The following TSPEAR variants were observed in gnomAD, a reference collection of about 807,000 sequenced individuals.
TSPEAR encodes the protein thrombospondin-type laminin G domain and EAR repeat-containing protein.
Under a neutral mutation model 71.6 loss-of-function variants are expected in TSPEAR, and 69 were observed. The ratio of observed to expected loss-of-function variants is 0.96; its 90% CI spans 0.79 to 1.18. The LOEUF is 1.18. TSPEAR is among the 50% of genes most tolerant of loss of function. The pLI, the probability that TSPEAR is intolerant of heterozygous loss-of-function variation, is 0.00. For missense variants in TSPEAR, 971 were observed against 894.9 expected, an observed-to-expected ratio of 1.09 and a Z score of -1.09; for synonymous variants, 402 against 387.2, an observed-to-expected ratio of 1.04 and a Z score of -0.45.
chr21:44,551,934 T>C (rs2053448535), intron 2 of TSPEAR, among the ~76,000 whole-genome samples: 5 of 152,078 alleles, frequency 3.3e-5, no homozygotes, highest in African/African-American at 1.2e-4. Context: ...GTGCCTGTGT[T>C]GGGAAAAGAC....
intron 1 of TSPEAR, among the ~76,000 whole-genome samples, chr21:44,570,038 C>T (rs1349609939): frequency 6.6e-6 from 1 of 152,166 alleles, no homozygotes; most frequent in African/African-American, 2.4e-5. Context: ...GACACTGCTG[C>T]ACAGCACTGC....
chr21:44,601,650 C>T (rs1980929102), intron 1 of TSPEAR: 2 of 1,612,550 alleles, frequency 1.2e-6, no homozygotes, highest in Non-Finnish European at 8.5e-7. Context: ...GCCGCCCAGC[C>T]TCCTGTGTGT....
At chr21:44,659,504 AC>A (rs1320880205) in intron 1 of TSPEAR, among the ~76,000 whole-genome samples, 1 of 152,188 alleles carries the variant, frequency 6.6e-6, no homozygotes, top group African/African-American at 2.4e-5. Flanking sequence ...AGGAAAAGAG[AC>A]GCACGCATTT....
At chr21:44,531,577 G>GGT (rs75933048) in intron 3 of TSPEAR, among the ~76,000 whole-genome samples, 16,675 of 146,984 alleles carry the variant, frequency 0.11, 959 homozygotes, top group East Asian at 0.2. Context: ...ACATGAATTC[G>GGT]GGGGGGGCAC....
chr21:44,544,761 G>A (rs1324507934), intron 2 of TSPEAR, among the ~76,000 whole-genome samples: 1 of 152,130 alleles, frequency 6.6e-6, no homozygotes, highest in Non-Finnish European at 1.5e-5. Context: ...CACAGACCAG[G>A]AGAATGGCCA....
chr21:44,646,548 C>A (rs782464169), intron 1 of TSPEAR: 28 of 1,612,496 alleles, frequency 1.7e-5, no homozygotes, highest in Non-Finnish European at 2.3e-5. Context: ...GTGAGCCCCC[C>A]TGCAGCGCCC....
chr21:44,540,057 A>AGCAGTGGGGCTC, intron 2 of TSPEAR: 1 of 1,613,326 alleles, frequency 6.2e-7, no homozygotes, highest in Non-Finnish European at 8.5e-7. Flanking sequence ...CTGAGGGCGC[A>AGCAGTGGGGCTC]GCAGTGGGGC....
chr21:44,698,123 T>A (rs1465664865), intron 1 of TSPEAR: 11 of 729,228 alleles, frequency 1.5e-5, no homozygotes, highest in Non-Finnish European at 2.4e-5. Context: ...AAGCTCCAGA[T>A]GACCCTGCCT....
rs782311945 is a variant in TSPEAR, at chr21:44,612,267, G to A, written c.83-44262C>T. On this transcript the variant is annotated intron_variant, in intron 1 of 11. Transcript: ENST00000323084. The surrounding 1 kb of genome is among the most constrained non-coding windows in gnomAD (Gnocchi z 4.1). ...GAAAGCTGCTGCGAGCCCCGCTCCT[G>A]TGCCTCCAGCTGCTGTACCCCTAGC... 4 of 1,613,576 alleles carry A rather than the reference G, an allele frequency of 2.5e-6. No individual in the cohort carries two copies. Among genetic ancestry groups the A allele is most frequent in the Admixed American group, 1.7e-5 (1 of 60,022 alleles).
chr21:44,628,019 GCT>G, intron 1 of TSPEAR: 1 of 1,613,034 alleles, frequency 6.2e-7, no homozygotes, highest in Non-Finnish European at 8.5e-7. Context: ...GCCTGCTACA[GCT>G]TCTCCTCAGG....
chr21:44,632,588 C>T (rs1217381708), intron 1 of TSPEAR, among the ~76,000 whole-genome samples: 1 of 152,238 alleles, frequency 6.6e-6, no homozygotes, highest in African/African-American at 2.4e-5. Context: ...GTAATCCCAG[C>T]ACTTTGGGAG....
Position 44,528,514 on chromosome 21 carries a change from A to G in TSPEAR, c.860T>C (p.Phe287Ser), listed in dbSNP as rs782303449. The change falls in exon 6 of 12, where the codon TTT becomes TCT. Residue 287 changes from phenylalanine (F) to serine (S), a missense_variant. By Grantham distance (155) the Phe-to-Ser change is radical. Coordinates refer to ENST00000323084, the MANE Select transcript of TSPEAR (RefSeq NM_144991.3). ...ATACAGGCCCTTCCGGCTGGCATCA[A>G]ACCAGAACTGGGCGTCTTCCACCTC... ...CTEVEDAQFW[F>S]DASRKGLYLC... 6.2e-7 allele frequency: 1 copy of G among 1,614,158 alleles called. No homozygotes were observed. The highest frequency in any genetic ancestry group is 1.1e-5 in the South Asian group (1 of 91,088).
At chr21:44,504,307 G>C (rs587744720) in intron 11 of TSPEAR, among the ~76,000 whole-genome samples, 112 of 142,834 alleles carry the variant, frequency 7.8e-4, no homozygotes, top group African/African-American at 2.8e-3. Context: ...GCCTCGGTGA[G>C]CCCTTAGGGG....
chr21:44,708,559 TTTTAA>T (rs1555952967), intron 1 of TSPEAR, among the ~76,000 whole-genome samples: 57 of 152,306 alleles, frequency 3.7e-4, no homozygotes, highest in African/African-American at 1.3e-3. Context: ...CCCAGTGATC[TTTTAA>T]GATGCAAATC....
chr21:44,589,917 C>G (rs1979647041), intron 1 of TSPEAR, among the ~76,000 whole-genome samples: 1 of 152,254 alleles, frequency 6.6e-6, no homozygotes, highest in Admixed American at 6.5e-5. Flanking sequence ...TGCCAGCTAC[C>G]CGGAGAACCA....
intron 8 of TSPEAR, among the ~76,000 whole-genome samples, chr21:44,524,341 A>T (rs1220946828): frequency 6.6e-6 from 1 of 152,170 alleles, no homozygotes; most frequent in African/African-American, 2.4e-5. Context: ...ATAGTAAGTC[A>T]GTTAATGAGT....
At chr21:44,706,374 C>G (rs1987918149) in intron 1 of TSPEAR, among the ~76,000 whole-genome samples, 1 of 151,270 alleles carries the variant, frequency 6.6e-6, no homozygotes, top group Admixed American at 6.6e-5. Context: ...CGCCCATGCA[C>G]GCACACACGC....
At chr21:44,565,770 A>G (rs2053695063) in intron 2 of TSPEAR, among the ~76,000 whole-genome samples, 2 of 152,216 alleles carry the variant, frequency 1.3e-5, no homozygotes, top group Non-Finnish European at 2.9e-5. Context: ...TAGTGGGAAA[A>G]AATAAAAAGC....
chr21:44,655,066 A>G (rs1240593252), intron 1 of TSPEAR, among the ~76,000 whole-genome samples: 1 of 152,230 alleles, frequency 6.6e-6, no homozygotes, highest in Non-Finnish European at 1.5e-5. Flanking sequence ...ACTGGGCTCT[A>G]TATTGTGGAA....
Sources: gnomAD v4.1 joint callset for allele counts (sites outside exome capture counted in the v4.1 genomes callset) on GRCh38, gnomAD v4.1.1 for gene constraint, Gnocchi (gnomAD v3.1) non-coding constraint, MANE v1.5 for transcripts, NCBI Gene and HGNC (gene_info 2026-07-23, HGNC 2026-07-21) for gene names.